HDAC9: variants seen among roughly 807,000 people sequenced by gnomAD.
The protein encoded by HDAC9 is MEF-2 interacting transcription repressor (MITR) protein.
Under a neutral mutation model 139.4 loss-of-function variants are expected in HDAC9, and 41 were observed. The ratio of observed to expected loss-of-function variants is 0.29; its 90% CI spans 0.23 to 0.38. The LOEUF is 0.38. Ranked by LOEUF, HDAC9 falls within the 10% of genes least tolerant of loss-of-function variation. The pLI is 1.00. For missense variants in HDAC9, 1,147 were observed against 1,297.0 expected (o/e 0.88, Z 1.78); for synonymous variants, 517 against 476.2 (o/e 1.09, Z -1.12).
At chr7:18,815,231 A>G (rs563138035) in intron 17 of HDAC9, among the ~76,000 whole-genome samples, 59 of 152,086 alleles carry the variant, frequency 3.9e-4, no homozygotes, top group Non-Finnish European at 1.8e-4. Flanking sequence ...AGTTTTGCAT[A>G]CTTGGGCCAT....
At chr7:18,733,923 C>T (rs545367810) in intron 13 of HDAC9, among the ~76,000 whole-genome samples, 8 of 152,158 alleles carry the variant, frequency 5.3e-5, no homozygotes, top group African/African-American at 1.7e-4. Flanking sequence ...GGAGATAAGA[C>T]ATATTTTGTT....
At chr7:18,441,055 T>C (rs972559146) in intron 1 of HDAC9, among the ~76,000 whole-genome samples, 9 of 152,256 alleles carry the variant, frequency 5.9e-5, no homozygotes, top group African/African-American at 2.2e-4. Flanking sequence ...AATGGACTTC[T>C]CTGGATCATG....
intron 17 of HDAC9, among the ~76,000 whole-genome samples, chr7:18,828,706 G>C (rs1478974728): frequency 6.6e-6 from 1 of 152,158 alleles, no homozygotes; most frequent in Non-Finnish European, 1.5e-5. Context: ...TGACATTGGA[G>C]TGTAAATAAC....
chr7:18,983,507 T>C (rs1296774675), intron 25 of HDAC9, among the ~76,000 whole-genome samples: 1 of 152,220 alleles, frequency 6.6e-6, no homozygotes, highest in Non-Finnish European at 1.5e-5. Context: ...AATTTTATTT[T>C]TAATTTCTTG....
intron 21 of HDAC9, among the ~76,000 whole-genome samples, chr7:18,872,241 G>T (rs1378048778): frequency 1.3e-5 from 2 of 152,004 alleles, no homozygotes; most frequent in East Asian, 1.9e-4. Flanking sequence ...AATGAGTTCA[G>T]ATATATAGGA....
chr7:18,375,936 TA>T (rs1784965211), intron 1 of HDAC9, among the ~76,000 whole-genome samples: 1 of 152,200 alleles, frequency 6.6e-6, no homozygotes, highest in South Asian at 2.1e-4. Flanking sequence ...GAAATAATTA[TA>T]AAATGAATGT....
At chr7:18,725,696 T>A (rs934872445) in intron 12 of HDAC9, among the ~76,000 whole-genome samples, 3 of 152,180 alleles carry the variant, frequency 2.0e-5, no homozygotes, top group Non-Finnish European at 4.4e-5. Flanking sequence ...TTGTAGATCA[T>A]ATGTGGAAAA....
At chr7:18,588,858 G>T (rs1415206614) in intron 3 of HDAC9, among the ~76,000 whole-genome samples, 1 of 152,160 alleles carries the variant, frequency 6.6e-6, no homozygotes, top group African/African-American at 2.4e-5. Context: ...GTCAGGTATG[G>T]AATTCTCCAC....
intron 2 of HDAC9, among the ~76,000 whole-genome samples, chr7:18,165,389 TA>T (rs1206162349): frequency 6.6e-6 from 1 of 152,164 alleles, no homozygotes; most frequent in African/African-American, 2.4e-5. Flanking sequence ...TTGGAGACTA[TA>T]AACACAAAAA....
chr7:18,664,768 C>G (rs770375843), intron 11 of HDAC9, among the ~76,000 whole-genome samples: 11 of 152,132 alleles, frequency 7.2e-5, no homozygotes, highest in Non-Finnish European at 1.0e-4. Context: ...AGTATGTGCT[C>G]TTATAACACC....
chr7:18,609,476 G>A (rs895796578), intron 6 of HDAC9, among the ~76,000 whole-genome samples: 2 of 152,184 alleles, frequency 1.3e-5, no homozygotes, highest in African/African-American at 2.4e-5. Flanking sequence ...AAACCGTTTC[G>A]GTGTCCAAGA....
intron 25 of HDAC9, among the ~76,000 whole-genome samples, chr7:18,988,776 G>T (rs1366744396): frequency 1.3e-5 from 2 of 151,772 alleles, no homozygotes; most frequent in African/African-American, 4.8e-5. Context: ...ATTTAGGATA[G>T]TTAGCTCTTC....
intron 2 of HDAC9, among the ~76,000 whole-genome samples, chr7:18,204,131 T>C (rs141825340): frequency 1.3e-5 from 2 of 152,284 alleles, no homozygotes; most frequent in African/African-American, 4.8e-5. Context: ...AAAAAAAATT[T>C]AGTGACAGTG....
chr7:18,580,515 A>AT (rs1563359928), intron 2 of HDAC9, among the ~76,000 whole-genome samples: 1 of 152,220 alleles, frequency 6.6e-6, no homozygotes, highest in East Asian at 1.9e-4. Context: ...GACAAGCAAG[A>AT]TGAGTCCAAA....
intron 1 of HDAC9, among the ~76,000 whole-genome samples, chr7:18,397,532 G>C (rs1057014764): frequency 6.6e-6 from 1 of 152,122 alleles, no homozygotes; most frequent in Non-Finnish European, 1.5e-5. Context: ...TACCTCCTGA[G>C]AAAACATTTA....
intron 2 of HDAC9, among the ~76,000 whole-genome samples, chr7:18,223,336 T>C (rs931695134): frequency 1.3e-5 from 2 of 152,158 alleles, no homozygotes; most frequent in Non-Finnish European, 2.9e-5. Context: ...TCCCATTCTT[T>C]TTTGCTTATG....
intron 14 of HDAC9, among the ~76,000 whole-genome samples, chr7:18,760,928 T>A (rs550776495): frequency 6.6e-6 from 1 of 152,320 alleles, no homozygotes; most frequent in Non-Finnish European, 1.5e-5. Context: ...GAATGTGGAA[T>A]TGTCCTCGTC....
intron 1 of HDAC9, among the ~76,000 whole-genome samples, chr7:18,396,274 G>C (rs1273374673): frequency 6.6e-6 from 1 of 151,998 alleles, no homozygotes; most frequent in Non-Finnish European, 1.5e-5. Context: ...CACTCATACA[G>C]AATTTACATT....
intron 1 of HDAC9, among the ~76,000 whole-genome samples, chr7:18,351,119 A>G (rs1334349692): frequency 1.3e-5 from 2 of 151,878 alleles, no homozygotes; most frequent in African/African-American, 4.8e-5. Context: ...TTTCTGCTTT[A>G]TTTTTTATTG....
Sources: gnomAD v4.1 joint callset for allele counts (sites outside exome capture counted in the v4.1 genomes callset) on GRCh38, gnomAD v4.1.1 for gene constraint, MANE v1.5 for transcripts, NCBI Gene and HGNC (gene_info 2026-07-23, HGNC 2026-07-21) for gene names.